The following PACRG variants were observed in gnomAD, a reference collection of about 807,000 sequenced individuals.
The protein encoded by PACRG is parkin coregulated gene protein.
PACRG carries 29 observed loss-of-function variants against 29.7 expected under a neutral mutation model. That is an observed-to-expected ratio of 0.98 (90% CI 0.73 to 1.33). PACRG has a LOEUF of 1.33. Ranked by LOEUF, PACRG falls within the 40% of genes most tolerant of loss-of-function variation. The pLI is 0.00. For synonymous variants in PACRG, 116 were observed against 118.7 expected, an observed-to-expected ratio of 0.98 and a Z score of 0.15; for missense variants, 279 against 316.2, an observed-to-expected ratio of 0.88 and a Z score of 0.89.
chr6:163,054,792 G>C (rs1201420115), intron 2 of PACRG, among the ~76,000 whole-genome samples: 1 of 152,152 alleles, frequency 6.6e-6, no homozygotes, highest in Non-Finnish European at 1.5e-5. Flanking sequence ...GGAAGAGGAG[G>C]GGCCAGGCTA....
chr6:162,786,421 T>C (rs545193896), intron 1 of PACRG, among the ~76,000 whole-genome samples: 2 of 152,366 alleles, frequency 1.3e-5, no homozygotes, highest in South Asian at 2.1e-4. Flanking sequence ...TAGATATATC[T>C]ATTTTATTCA....
At chr6:162,860,992 T>C (rs539454062) in intron 2 of PACRG, among the ~76,000 whole-genome samples, 13 of 152,122 alleles carry the variant, frequency 8.5e-5, no homozygotes, top group Non-Finnish European at 1.6e-4. Flanking sequence ...CAGATGCAGA[T>C]AAGGTGAGGC....
At chr6:163,267,210 T>A (rs1474077422) in intron 4 of PACRG, among the ~76,000 whole-genome samples, 1 of 152,192 alleles carries the variant, frequency 6.6e-6, no homozygotes, top group Non-Finnish European at 1.5e-5. Flanking sequence ...GGACCACAAA[T>A]GACCCCTGCA....
chr6:163,230,749 T>C (rs1782000303), intron 4 of PACRG, among the ~76,000 whole-genome samples: 1 of 152,116 alleles, frequency 6.6e-6, no homozygotes, highest in Non-Finnish European at 1.5e-5. Flanking sequence ...CGCAGGATGG[T>C]GTGTAATGCC....
At chr6:162,924,728 G>A (rs1337192342) in intron 2 of PACRG, among the ~76,000 whole-genome samples, 2 of 151,722 alleles carry the variant, frequency 1.3e-5, no homozygotes, top group Non-Finnish European at 2.9e-5. Flanking sequence ...CTTGCAAATC[G>A]ATACCCTAAC....
At chr6:163,013,950 GAT>G (rs1475335070) in intron 2 of PACRG, among the ~76,000 whole-genome samples, 1 of 151,306 alleles carries the variant, frequency 6.6e-6, no homozygotes, top group Non-Finnish European at 1.5e-5. Flanking sequence ...AAAATTATAA[GAT>G]GTGATAAAAT....
At chr6:162,816,384 G>A (rs186650748) in intron 2 of PACRG, among the ~76,000 whole-genome samples, 6 of 152,066 alleles carry the variant, frequency 3.9e-5, no homozygotes, top group East Asian at 3.9e-4. Flanking sequence ...ACGGAGTCTC[G>A]CTCTGTCCCC....
intron 2 of PACRG, among the ~76,000 whole-genome samples, chr6:162,948,198 C>A (rs1799385875): frequency 6.6e-6 from 1 of 152,036 alleles, no homozygotes; most frequent in Admixed American, 6.6e-5. Context: ...AACACAGACT[C>A]ATAGACCAGT....
intron 1 of PACRG, among the ~76,000 whole-genome samples, chr6:162,806,390 G>A (rs1786329875): frequency 1.3e-5 from 2 of 150,932 alleles, no homozygotes; most frequent in Non-Finnish European, 2.9e-5. Flanking sequence ...GATTACAGGT[G>A]TGAGCCACCA....
intron 4 of PACRG, among the ~76,000 whole-genome samples, chr6:163,186,724 AG>A: frequency 6.6e-6 from 1 of 152,136 alleles, no homozygotes; most frequent in Non-Finnish European, 1.5e-5. Flanking sequence ...CTAAAACATG[AG>A]GCTGTTCCTT....
intron 4 of PACRG, among the ~76,000 whole-genome samples, chr6:163,098,290 G>A (rs1450761105): frequency 6.6e-6 from 1 of 152,136 alleles, no homozygotes; most frequent in African/African-American, 2.4e-5. Flanking sequence ...CAGGCCATGT[G>A]ATCTGAAGCC....
At chr6:162,760,401 C>A (rs1027695225) in intron 1 of PACRG, among the ~76,000 whole-genome samples, 1 of 152,154 alleles carries the variant, frequency 6.6e-6, no homozygotes, top group African/African-American at 2.4e-5. Flanking sequence ...CCAGGCCACG[C>A]TGTCAGAGGC....
intron 2 of PACRG, among the ~76,000 whole-genome samples, chr6:162,990,332 GA>G: frequency 6.6e-6 from 1 of 151,778 alleles, no homozygotes; most frequent in East Asian, 1.9e-4. Flanking sequence ...CACAATGGTT[GA>G]ACTAGTTTAC....
intron 1 of PACRG, among the ~76,000 whole-genome samples, chr6:162,753,960 T>C (rs977131213): frequency 3.3e-5 from 5 of 152,192 alleles, no homozygotes; most frequent in Admixed American, 2.0e-4. Context: ...AGTGCAGATA[T>C]CTCTTTGACA....
At chr6:163,005,859 T>G (rs1296261442) in intron 2 of PACRG, among the ~76,000 whole-genome samples, 1 of 146,880 alleles carries the variant, frequency 6.8e-6, no homozygotes, top group African/African-American at 2.5e-5. Context: ...GTTATATATA[T>G]ACAACATAGT....
At chr6:163,290,264 G>GCA (rs1420232831) in intron 4 of PACRG, among the ~76,000 whole-genome samples, 5 of 128,940 alleles carry the variant, frequency 3.9e-5, no homozygotes, top group South Asian at 5.0e-4. Context: ...ATGTGCGCAT[G>GCA]CACGCGCGCG....
intron 3 of PACRG, among the ~76,000 whole-genome samples, chr6:163,066,472 C>A (rs906668155): frequency 1.3e-5 from 2 of 152,152 alleles, no homozygotes; most frequent in Non-Finnish European, 2.9e-5. Context: ...CAGCACTAAA[C>A]CTAGGGTTAT....
intron 2 of PACRG, among the ~76,000 whole-genome samples, chr6:162,924,183 C>A (rs960577907): frequency 6.6e-6 from 1 of 151,734 alleles, no homozygotes; most frequent in Non-Finnish European, 1.5e-5. Context: ...GTTTCTTTTT[C>A]AGTTAGTTTG....
chr6:162,970,986 A>G (rs186438678), intron 2 of PACRG, among the ~76,000 whole-genome samples: 4 of 152,212 alleles, frequency 2.6e-5, no homozygotes, highest in Admixed American at 1.3e-4. Flanking sequence ...AGATGTGGTC[A>G]TCTTCACTTG....
Sources: allele counts gnomAD v4.1 joint callset (sites outside exome capture counted in the v4.1 genomes callset), GRCh38; gene constraint gnomAD v4.1.1; transcripts MANE v1.5; gene names NCBI Gene and HGNC (gene_info 2026-07-23, HGNC 2026-07-21).